The following TSPAN5 variants were observed in gnomAD, a reference collection of about 807,000 sequenced individuals.
TSPAN5 encodes tetraspanin 5.
A neutral mutation model predicts 37.1 loss-of-function variants in TSPAN5; 10 were observed. The observed-to-expected ratio is 0.27, with a 90% CI of 0.17 to 0.46. TSPAN5 has a LOEUF of 0.46. TSPAN5 is among the 20% of genes least tolerant of loss of function. The probability of loss-of-function intolerance (pLI) is 1.00; values close to 1 mark genes in which losing one functional copy is unlikely to be tolerated. For missense variants in TSPAN5, 195 were observed against 326.6 expected (o/e 0.60, Z 3.11); for synonymous variants, 110 against 118.9 (o/e 0.93, Z 0.48).
At chr4:98,606,202 G>A (rs1756035118) in intron 1 of TSPAN5, among the ~76,000 whole-genome samples, 1 of 152,194 alleles carries the variant, frequency 6.6e-6, no homozygotes, top group African/African-American at 2.4e-5. Flanking sequence ...CAGAGCAAAA[G>A]AAGCTTGATT....
At chr4:98,608,667 A>G (rs1756099898) in intron 1 of TSPAN5, among the ~76,000 whole-genome samples, 1 of 152,168 alleles carries the variant, frequency 6.6e-6, no homozygotes, top group African/African-American at 2.4e-5. Context: ...AAAAAGAAAA[A>G]AAAAGAAAAT....
chr4:98,484,456 G>T (rs986921293), intron 3 of TSPAN5: 2 of 455,848 alleles, frequency 4.4e-6, no homozygotes, highest in Non-Finnish European at 8.8e-6. Flanking sequence ...ATGGAGAGAG[G>T]CCATTTAAGA....
At chr4:98,616,337 C>T (rs1345598730) in intron 1 of TSPAN5, among the ~76,000 whole-genome samples, 1 of 152,090 alleles carries the variant, frequency 6.6e-6, no homozygotes, top group Non-Finnish European at 1.5e-5. Context: ...CATGTTTACA[C>T]AGACCATGCT....
intron 1 of TSPAN5, among the ~76,000 whole-genome samples, chr4:98,514,134 C>G (rs1753677851): frequency 6.6e-6 from 1 of 152,076 alleles, no homozygotes; most frequent in South Asian, 2.1e-4. Context: ...GGAAAAAAAC[C>G]CAACATTCTG....
chr4:98,626,771 C>T (rs574085011), intron 1 of TSPAN5, among the ~76,000 whole-genome samples: 48 of 152,016 alleles, frequency 3.2e-4, no homozygotes, highest in African/African-American at 1.1e-3. Flanking sequence ...CTGCCTGATT[C>T]GATCCTCTTT....
chr4:98,503,346 G>C (rs533676737), intron 2 of TSPAN5, among the ~76,000 whole-genome samples: 1 of 152,086 alleles, frequency 6.6e-6, no homozygotes, highest in African/African-American at 2.4e-5. Flanking sequence ...ACACCAGAGC[G>C]GGGCCAGATG....
rs116447427 is a variant in TSPAN5 at position 98,474,743 on chromosome 4, G to A, written c.741+1446C>T. On this transcript the variant is annotated intron_variant, in intron 7 of 7. Transcript: ENST00000305798. ...GGTTAGAGTGCAGTTGCATAATCAC[G>A]ACTCACTGCAGCTTCAACCTTCTGG... 9.5e-3 allele frequency among the ~76,000 whole-genome samples: 1,449 copies of A among 152,118 alleles called. 24 individuals are homozygous for A. The highest frequency in any genetic ancestry group is 0.033 in the African/African-American group (1,376 of 41,468).
In TSPAN5 at chr4:98,472,186, A is replaced by C. The variant is rs1299195562; in HGVS notation, c.*336T>G. ...GCCTCTCCCAGCCCTCCAATTACGG[A>C]AGATGAGGACAAGAATGTATTTTCT... On this transcript the variant is annotated 3_prime_UTR_variant, in exon 8 of 8. Transcript: ENST00000305798. 2.5e-5 allele frequency: 5 copies of C among 196,596 alleles called. No homozygotes were observed. Among genetic ancestry groups the C allele is most frequent in the East Asian group, 1.2e-4 (1 of 8,532 alleles). The allele number at this position is 196,596 out of a possible 1,614,324, so 12.2% of individuals were successfully genotyped here. A position where few individuals can be genotyped will look rare whatever the true frequency, so the allele number is the denominator to read the frequency against.
At chr4:98,502,539 T>A (rs941942327) in intron 2 of TSPAN5, among the ~76,000 whole-genome samples, 4 of 152,148 alleles carry the variant, frequency 2.6e-5, no homozygotes, top group African/African-American at 7.2e-5. Flanking sequence ...GCTTTGCTGA[T>A]AAAGGTTCCC....
At chr4:98,616,047 G>T (rs1364020300) in intron 1 of TSPAN5, among the ~76,000 whole-genome samples, 1 of 152,090 alleles carries the variant, frequency 6.6e-6, no homozygotes, top group Non-Finnish European at 1.5e-5. Context: ...CCAGGGCTCT[G>T]CAGAAGAATC....
chr4:98,655,842 G>T (rs1474555819), intron 1 of TSPAN5, among the ~76,000 whole-genome samples: 2 of 152,146 alleles, frequency 1.3e-5, no homozygotes, highest in African/African-American at 2.4e-5. Flanking sequence ...AGAGACCATG[G>T]TACAATAAAG....
chr4:98,583,478 A>G, intron 1 of TSPAN5, among the ~76,000 whole-genome samples: 1 of 151,836 alleles, frequency 6.6e-6, no homozygotes, highest in Non-Finnish European at 1.5e-5. Flanking sequence ...TGTTCTCAGC[A>G]TTTAACGCCC....
chr4:98,651,685 G>A (rs571448828), intron 1 of TSPAN5, among the ~76,000 whole-genome samples: 68 of 152,006 alleles, frequency 4.5e-4, no homozygotes, highest in Non-Finnish European at 6.2e-4. Context: ...GGAAATGATG[G>A]GGAGACAGAT....
chr4:98,645,984 A>T (rs1228241451), intron 1 of TSPAN5, among the ~76,000 whole-genome samples: 1 of 152,130 alleles, frequency 6.6e-6, no homozygotes, highest in African/African-American at 2.4e-5. Flanking sequence ...GGAATGAGTG[A>T]CAGGCACCTA....
chr4:98,533,439 T>C (rs1422788476), intron 1 of TSPAN5, among the ~76,000 whole-genome samples: 1 of 151,956 alleles, frequency 6.6e-6, no homozygotes, highest in Non-Finnish European at 1.5e-5. Context: ...GTCCAGGATT[T>C]ATCCATTATT....
intron 1 of TSPAN5, among the ~76,000 whole-genome samples, chr4:98,567,708 G>A (rs1457503917): frequency 6.6e-6 from 1 of 152,180 alleles, no homozygotes; most frequent in African/African-American, 2.4e-5. Flanking sequence ...AAAGGAGAGA[G>A]AGGAAACCTG....
chr4:98,653,733 T>C (rs1157033134), intron 1 of TSPAN5, among the ~76,000 whole-genome samples: 1 of 152,194 alleles, frequency 6.6e-6, no homozygotes, highest in East Asian at 1.9e-4. Flanking sequence ...TAAAACATTA[T>C]CTCACTGAAT....
rs1756116215 is a variant in TSPAN5 at position 98,609,145 on chromosome 4, A to G, written c.81+49001T>C. On this transcript the variant is annotated intron_variant, in intron 1 of 7. Coordinates refer to ENST00000305798, the MANE Select transcript of TSPAN5 (RefSeq NM_005723.4). Reference sequence around the variant, plus strand: ...AAAATGAAAAGAAAAAAAACCCAACAGCTACCACCACTAGACCAAGATTTT... The same window carrying G: ...AAAATGAAAAGAAAAAAAACCCAACGGCTACCACCACTAGACCAAGATTTT... 4.6e-5 allele frequency among the ~76,000 whole-genome samples: 7 copies of G among 152,338 alleles called. No homozygotes were observed. The South Asian group carries it at 1.5e-3, about 32-fold the overall frequency.
chr4:98,646,455 C>G (rs974816498), intron 1 of TSPAN5, among the ~76,000 whole-genome samples: 5 of 152,174 alleles, frequency 3.3e-5, no homozygotes, highest in Admixed American at 3.3e-4. Context: ...CTATCCTCCC[C>G]ACCCCACCCA....
Sources: gnomAD v4.1 joint callset for allele counts (sites outside exome capture counted in the v4.1 genomes callset) on GRCh38, gnomAD v4.1.1 for gene constraint, MANE v1.5 for transcripts, NCBI Gene and HGNC (gene_info 2026-07-23, HGNC 2026-07-21) for gene names.